The following CFAP20DC variants were observed in gnomAD, a reference collection of about 807,000 sequenced individuals.
The protein encoded by CFAP20DC is CFAP20 domain containing.
CFAP20DC carries 84 observed loss-of-function variants against 101.7 expected under a neutral mutation model. The observed-to-expected ratio is 0.83, with a 90% CI of 0.69 to 0.99. The LOEUF is 0.99. Among genes scored for constraint, CFAP20DC ranks in the 50% least tolerant of loss-of-function variants. The probability of loss-of-function intolerance (pLI) is 0.00; values close to 1 mark genes in which losing one functional copy is unlikely to be tolerated. For synonymous variants in CFAP20DC, 359 were observed against 351.2 expected, an observed-to-expected ratio of 1.02 and a Z score of -0.25; for missense variants, 1,007 against 970.3, an observed-to-expected ratio of 1.04 and a Z score of -0.50.
intron 14 of CFAP20DC, among the ~76,000 whole-genome samples, chr3:58,820,599 C>G (rs954740521): frequency 1.3e-5 from 2 of 151,912 alleles, no homozygotes; most frequent in African/African-American, 4.8e-5. Context: ...ATGTGAAGGA[C>G]CTCTTCAGGG....
intron 4 of CFAP20DC, among the ~76,000 whole-genome samples, chr3:59,033,286 C>T (rs2094031886): frequency 2.0e-5 from 3 of 152,128 alleles, no homozygotes; most frequent in Admixed American, 2.0e-4. Flanking sequence ...CAGAATGCCT[C>T]TTCTCCTCCA....
At chr3:58,783,922 C>A (rs1406384860) in intron 15 of CFAP20DC, among the ~76,000 whole-genome samples, 1 of 152,030 alleles carries the variant, frequency 6.6e-6, no homozygotes, top group African/African-American at 2.4e-5. Context: ...TTGTGTGATG[C>A]TGAGGTTTGG....
chr3:58,735,432 C>T (rs1458781094), intron 3 of CFAP20DC, among the ~76,000 whole-genome samples: 2 of 152,188 alleles, frequency 1.3e-5, no homozygotes, highest in Non-Finnish European at 2.9e-5. Context: ...TGAAATCCAT[C>T]AAGTGATGGT....
chr3:58,772,226 G>A (rs1018600265), intron 15 of CFAP20DC, among the ~76,000 whole-genome samples: 4 of 152,138 alleles, frequency 2.6e-5, no homozygotes, highest in Non-Finnish European at 4.4e-5. Context: ...TAGTTATTGA[G>A]TGTCTTTGTG....
chr3:59,008,853 A>G (rs2093508934), intron 4 of CFAP20DC, among the ~76,000 whole-genome samples: 1 of 152,118 alleles, frequency 6.6e-6, no homozygotes, highest in African/African-American at 2.4e-5. Context: ...TAAAACTTAA[A>G]GTATAATAAT....
chr3:58,742,371 A>G lies in CFAP20DC; in HGVS notation c.*89T>C, dbSNP rs2067920161. The G allele has an allele frequency of 1.5e-6, 2 of 1,339,706 alleles. No homozygotes were observed. Among genetic ancestry groups the G allele is most frequent in the Non-Finnish European group, 1.9e-6 (2 of 1,035,716 alleles). 83.0% of individuals were successfully genotyped at this position (1,339,706 alleles called of 1,614,324 possible). ...TTACTGTTGATTTTGTGGTCACCCA[A>G]CACATAAGTTGTGGTGACTCCTTAA... On this transcript the variant is annotated 3_prime_UTR_variant, in exon 17 of 17. Coordinates refer to ENST00000482387, the MANE Select transcript of CFAP20DC (RefSeq NM_001394063.1).
At chr3:58,947,050 A>C (rs2089463807) in intron 4 of CFAP20DC, among the ~76,000 whole-genome samples, 1 of 152,238 alleles carries the variant, frequency 6.6e-6, no homozygotes, top group Non-Finnish European at 1.5e-5. Flanking sequence ...GAGACCTACT[A>C]AAGCCTAAAA....
intron 4 of CFAP20DC, among the ~76,000 whole-genome samples, chr3:58,977,712 A>G (rs1335549622): frequency 6.6e-6 from 1 of 150,854 alleles, no homozygotes; most frequent in Non-Finnish European, 1.5e-5. Context: ...TTTGTCAGAT[A>G]TTTAGAGTGG....
rs759113949 is a variant in CFAP20DC at position 58,795,660 on chromosome 3, C to A, written c.2237+10735G>T. On this transcript the variant is annotated intron_variant, in intron 15 of 16. Transcript: ENST00000482387. The surrounding 1 kb of genome is among the most constrained non-coding windows in gnomAD (Gnocchi z 4.2). ...AACATAGAAAAAGCAAAAGTAATAG[C>A]GAAAGCCAAGATTCTTCAGGTATCT... 6.6e-6 allele frequency among the ~76,000 whole-genome samples: 1 copy of A among 152,064 alleles called. No individual in the cohort carries two copies. The highest frequency in any genetic ancestry group is 2.4e-5 in the African/African-American group (1 of 41,398).
chr3:58,899,137 T>G lies in CFAP20DC; in HGVS notation c.551-14428A>C, dbSNP rs2107050451. Among the ~76,000 whole-genome samples the G allele has an allele frequency of 6.6e-6, 1 of 152,320 alleles. No homozygotes were observed. Among genetic ancestry groups the G allele is most frequent in the Non-Finnish European group, 1.5e-5 (1 of 68,014 alleles). ...CCTGTAGGAGGAGGCTGGAGACCCC[T>G]GTTGGGAGGTCTCATCCAGTCAGGA... On this transcript the variant is annotated intron_variant, in intron 6 of 16. Transcript: ENST00000482387. The surrounding 1 kb of genome is among the most constrained non-coding windows in gnomAD (Gnocchi z 5.0).
chr3:58,762,849 A>T (rs577537553), intron 15 of CFAP20DC, among the ~76,000 whole-genome samples: 1 of 152,320 alleles, frequency 6.6e-6, no homozygotes, highest in South Asian at 2.1e-4. Flanking sequence ...TTTCTTTAAT[A>T]ATGTTGAATA....
chr3:59,048,988 G>C (rs1434916138), intron 1 of CFAP20DC, among the ~76,000 whole-genome samples: 1 of 152,120 alleles, frequency 6.6e-6, no homozygotes, highest in Non-Finnish European at 1.5e-5. Context: ...AATCACTTGG[G>C]GGAACTAGTT....
At chr3:58,838,734 T>C (rs892558407) in intron 13 of CFAP20DC, among the ~76,000 whole-genome samples, 5 of 152,236 alleles carry the variant, frequency 3.3e-5, no homozygotes, top group African/African-American at 4.8e-5. Flanking sequence ...CAAATAGAGC[T>C]GAACTCTTAT....
intron 14 of CFAP20DC, among the ~76,000 whole-genome samples, chr3:58,815,211 A>C (rs2075015914): frequency 1.3e-5 from 2 of 151,762 alleles, no homozygotes. Flanking sequence ...CTGCATATCT[A>C]CAACTATCTA....
intron 4 of CFAP20DC, among the ~76,000 whole-genome samples, chr3:58,996,896 C>T (rs62252900): frequency 1.3e-5 from 2 of 152,120 alleles, no homozygotes; most frequent in Non-Finnish European, 2.9e-5. Context: ...GAGCGCACAC[C>T]GGGGTGGAGC....
intron 13 of CFAP20DC, among the ~76,000 whole-genome samples, chr3:58,843,660 G>C (rs899864083): frequency 6.6e-6 from 1 of 151,506 alleles, no homozygotes; most frequent in East Asian, 2.0e-4. Flanking sequence ...GAAATACAGA[G>C]AATGCCACAA....
At chr3:58,917,228 C>G (rs1158490383) in intron 5 of CFAP20DC, among the ~76,000 whole-genome samples, 1 of 152,090 alleles carries the variant, frequency 6.6e-6, no homozygotes, top group East Asian at 1.9e-4. Flanking sequence ...CTAGTTTTTA[C>G]TAACTCATGT....
intron 4 of CFAP20DC, among the ~76,000 whole-genome samples, chr3:58,968,460 A>C (rs2091734426): frequency 6.6e-6 from 1 of 152,030 alleles, no homozygotes; most frequent in Admixed American, 6.6e-5. Flanking sequence ...TCTAATAATC[A>C]GTTGATATTG....
intron 4 of CFAP20DC, chr3:59,017,765 G>C (rs2093720784): frequency 6.6e-6 from 1 of 152,048 alleles, no homozygotes. Context: ...CACCTAAATG[G>C]AATGCTCACA....
Sources: allele counts gnomAD v4.1 joint callset (sites outside exome capture counted in the v4.1 genomes callset), GRCh38; gene constraint gnomAD v4.1.1; non-coding constraint Gnocchi (gnomAD v3.1); transcripts MANE v1.5; gene names NCBI Gene and HGNC (gene_info 2026-07-23, HGNC 2026-07-21).